Variants in ADAM12 observed in about 807,000 individuals in gnomAD.
ADAM12 encodes the protein ADAM metallopeptidase domain 12.
Under a neutral mutation model 106.4 loss-of-function variants are expected in ADAM12, and 70 were observed. The ratio of observed to expected loss-of-function variants is 0.66; its 90% CI spans 0.54 to 0.80. ADAM12 has a LOEUF of 0.80. Ranked by LOEUF, ADAM12 falls within the 30% of genes least tolerant of loss-of-function variation. The pLI, the probability that ADAM12 is intolerant of heterozygous loss-of-function variation, is 0.00. For synonymous variants in ADAM12, 420 were observed against 433.5 expected, an observed-to-expected ratio of 0.97 and a Z score of 0.39; for missense variants, 1,010 against 1,171.9, an observed-to-expected ratio of 0.86 and a Z score of 2.02.
intron 1 of ADAM12, among the ~76,000 whole-genome samples, chr10:126,344,131 C>T (rs1397008219): frequency 2.6e-5 from 4 of 152,098 alleles, no homozygotes; most frequent in Admixed American, 1.3e-4. Context: ...CCTAGGTTTT[C>T]TTCTAGGGTT....
At chr10:126,292,451 T>A (rs36069058) in intron 2 of ADAM12, among the ~76,000 whole-genome samples, 3,300 of 152,294 alleles carry the variant, frequency 0.022, 68 homozygotes, top group East Asian at 0.078. Flanking sequence ...CATCAGCCAG[T>A]CCTGTATATT....
chr10:126,091,791 C>T (rs948984606), intron 11 of ADAM12, among the ~76,000 whole-genome samples: 4 of 152,068 alleles, frequency 2.6e-5, no homozygotes, highest in African/African-American at 4.8e-5. Flanking sequence ...TGCTATTGTG[C>T]CTTCAGAATT....
At position 126,320,664 on chromosome 10, in the gene ADAM12, T is replaced by A. The variant is rs118082462; in HGVS notation, c.186+9748A>T. Reference sequence around the variant, plus strand: ...TGACATAAAATTATAAAGTGCAACATTAATACCATTAAATCTCTTGGGAAG... The same window carrying A: ...TGACATAAAATTATAAAGTGCAACAATAATACCATTAAATCTCTTGGGAAG... On this transcript the variant is annotated intron_variant, in intron 2 of 22. Transcript: ENST00000448723. 6.6e-4 allele frequency among the ~76,000 whole-genome samples: 101 copies of A among 152,358 alleles called. 2 individuals are homozygous for A. The East Asian group carries it at 0.018, about 27-fold the overall frequency.
chr10:126,104,234 G>A (rs1258355579), intron 8 of ADAM12, among the ~76,000 whole-genome samples: 2 of 152,154 alleles, frequency 1.3e-5, no homozygotes, highest in African/African-American at 2.4e-5. Flanking sequence ...CAGATCACTT[G>A]AGGTTAGGAG....
chr10:126,060,099 C>T (rs894704369), intron 14 of ADAM12, among the ~76,000 whole-genome samples: 1 of 152,130 alleles, frequency 6.6e-6, no homozygotes, highest in Admixed American at 6.5e-5. Flanking sequence ...CCAACGAGAA[C>T]GTACGTTATC....
intron 3 of ADAM12, among the ~76,000 whole-genome samples, chr10:126,256,000 T>A (rs760495220): frequency 1.6e-4 from 24 of 152,116 alleles, no homozygotes; most frequent in Non-Finnish European, 2.8e-4. Context: ...CAAAGGAATA[T>A]CTTCACTCGC....
intron 6 of ADAM12, among the ~76,000 whole-genome samples, chr10:126,116,767 A>T (rs559253925): frequency 1.3e-5 from 2 of 152,314 alleles, no homozygotes; most frequent in East Asian, 3.9e-4. Context: ...AATTAGAGTT[A>T]AAAGTCCTGA....
intron 1 of ADAM12, among the ~76,000 whole-genome samples, chr10:126,358,581 A>T (rs1184815911): frequency 1.3e-5 from 2 of 152,184 alleles, no homozygotes; most frequent in African/African-American, 2.4e-5. Flanking sequence ...AAGATCCGGA[A>T]CAAGACAAGA....
Position 126,330,454 on chromosome 10 carries a change from C to T in ADAM12, c.144G>A (p.Gly48=). The T allele has an allele frequency of 6.2e-7, 1 of 1,613,978 alleles. No homozygotes were observed. ...TCACTGGGATCCAGAGGTCCCCACT[C>T]CCAACAGAGGCACTGACAACTTCAT... ...RADEVVSASV[G]SGDLWIPVKS... is the part of the protein sequence containing the mutation. Residue 48 remains glycine (G), a synonymous_variant, in exon 2 of 23, where the codon GGG becomes GGA. Transcript: ENST00000448723.
rs7923954 is a variant in ADAM12, at chr10:126,043,242, C to T, written c.1996-94G>A. On this transcript the variant is annotated intron_variant, in intron 17 of 22. Coordinates refer to ENST00000448723, the MANE Select transcript of ADAM12 (RefSeq NM_001288973.2). The surrounding 1 kb of genome is among the most constrained non-coding windows in gnomAD (Gnocchi z 4.1). Reference sequence around the variant, plus strand: ...GGGGGGCCATGGTCAGAGCCCCCCCCCAACACTGACACAGCCAGACTCAGC... The same window carrying T: ...GGGGGGCCATGGTCAGAGCCCCCCCTCAACACTGACACAGCCAGACTCAGC... 2.1e-4 allele frequency: 242 copies of T among 1,138,196 alleles called. No homozygotes were observed. Among genetic ancestry groups the T allele is most frequent in the East Asian group, 1.5e-4 (6 of 39,314 alleles). 70.5% of individuals were successfully genotyped at this position (1,138,196 alleles called of 1,614,324 possible). A position where few individuals can be genotyped will look rare whatever the true frequency, so the allele number is the denominator to read the frequency against.
intron 3 of ADAM12, among the ~76,000 whole-genome samples, chr10:126,212,060 G>T (rs1957913546): frequency 6.6e-6 from 1 of 152,184 alleles, no homozygotes; most frequent in African/African-American, 2.4e-5. Flanking sequence ...TTGTGAATTT[G>T]GGTCTTGTTC....
At chr10:126,071,430 C>T (rs371021700) in intron 12 of ADAM12, 47 bp downstream of exon 12, 292 of 1,598,572 alleles carry the variant, frequency 1.8e-4, no homozygotes, top group Non-Finnish European at 2.2e-4. Context: ...TTTGCCTAGC[C>T]GAGGATACAA....
At chr10:126,087,466 C>A (rs1234476477) in intron 11 of ADAM12, among the ~76,000 whole-genome samples, 1 of 152,128 alleles carries the variant, frequency 6.6e-6, no homozygotes, top group Non-Finnish European at 1.5e-5. Flanking sequence ...GTTCCTCATT[C>A]TGTAGCTGTT....
At chr10:126,128,304 G>C (rs1956239618) in intron 5 of ADAM12, among the ~76,000 whole-genome samples, 1 of 152,100 alleles carries the variant, frequency 6.6e-6, no homozygotes, top group South Asian at 2.1e-4. Context: ...ATGGGGCAAA[G>C]GGCTTTGAGA....
At chr10:126,318,743 TGTATTA>T (rs1338006817) in intron 2 of ADAM12, among the ~76,000 whole-genome samples, 1 of 152,204 alleles carries the variant, frequency 6.6e-6, no homozygotes, top group East Asian at 1.9e-4. Flanking sequence ...AATAAATACC[TGTATTA>T]GTCTACTCTC....
At chr10:126,228,095 A>C (rs1454115234) in intron 3 of ADAM12, among the ~76,000 whole-genome samples, 1 of 152,194 alleles carries the variant, frequency 6.6e-6, no homozygotes, top group Non-Finnish European at 1.5e-5. Context: ...TCCTCACTTG[A>C]AAGCAGATAG....
At position 126,064,653 on chromosome 10, in the gene ADAM12, G is replaced by T; in HGVS notation, c.1609+153C>A. ...CCCAGTGCGGCCTCAGACCCTCCCT[G>T]GGAGTCAATCACTCCCGACTGAACA... On this transcript the variant is annotated intron_variant, in intron 14 of 22. Coordinates refer to ENST00000448723, the MANE Select transcript of ADAM12 (RefSeq NM_001288973.2). This position sits in a 1 kb window ranked among gnomAD's most constrained non-coding sequence, Gnocchi z 4.4. The T allele has an allele frequency of 1.2e-6, 1 of 807,456 alleles. No homozygotes were observed. Among genetic ancestry groups the T allele is most frequent in the Non-Finnish European group, 1.9e-6 (1 of 522,146 alleles). 50.0% of individuals were successfully genotyped at this position (807,456 alleles called of 1,614,324 possible). A position where few individuals can be genotyped will look rare whatever the true frequency, so the allele number is the denominator to read the frequency against.
chr10:126,065,027 A>G, intron 13 of ADAM12, 26 bp from the exon 14 acceptor site: 1 of 1,589,110 alleles, frequency 6.3e-7, no homozygotes, highest in South Asian at 1.1e-5. Context: ...CATTTATGAC[A>G]CATGCACCCG....
At chr10:126,208,334 T>C (rs1053973603) in intron 3 of ADAM12, among the ~76,000 whole-genome samples, 1 of 152,144 alleles carries the variant, frequency 6.6e-6, no homozygotes, top group Non-Finnish European at 1.5e-5. Flanking sequence ...CAATGCCCAG[T>C]GCAGCCCCCA....
Sources: allele counts gnomAD v4.1 joint callset (sites outside exome capture counted in the v4.1 genomes callset), GRCh38; gene constraint gnomAD v4.1.1; non-coding constraint Gnocchi (gnomAD v3.1); transcripts MANE v1.5; gene names NCBI Gene and HGNC (gene_info 2026-07-23, HGNC 2026-07-21).